The following ZMIZ1 variants were observed in gnomAD, a reference collection of about 807,000 sequenced individuals.
ZMIZ1 encodes zinc finger MIZ domain-containing protein 1.
A neutral mutation model predicts 113.9 loss-of-function variants in ZMIZ1; 17 were observed. The observed-to-expected ratio is 0.15, with a 90% CI of 0.10 to 0.22. The LOEUF (loss-of-function observed/expected upper bound fraction) is 0.22, where lower values mean the gene tolerates loss of function less well. ZMIZ1 is among the 10% of genes least tolerant of loss of function. The pLI is 1.00. For synonymous variants in ZMIZ1, 607 were observed against 603.1 expected (o/e 1.01, Z -0.09); for missense variants, 1,059 against 1,477.8 (o/e 0.72, Z 4.65).
intron 1 of ZMIZ1, among the ~76,000 whole-genome samples, chr10:79,093,580 G>A (rs1340653789): frequency 6.6e-6 from 1 of 152,112 alleles, no homozygotes; most frequent in Non-Finnish European, 1.5e-5. Context: ...ACCCACTTTG[G>A]CCTCCCAAAG....
intron 1 of ZMIZ1, among the ~76,000 whole-genome samples, chr10:79,082,978 T>G (rs1484063627): frequency 6.6e-6 from 1 of 152,278 alleles, no homozygotes; most frequent in African/African-American, 2.4e-5. Flanking sequence ...GGAAGGTGGA[T>G]TCATGTATTC....
chr10:79,273,272 G>GC (rs1386143863), intron 7 of ZMIZ1, among the ~76,000 whole-genome samples: 14 of 152,148 alleles, frequency 9.2e-5, no homozygotes. Context: ...AGCTCTGCAG[G>GC]CCCCCTCCTG....
At chr10:79,272,466 G>A (rs150793720) in intron 7 of ZMIZ1, among the ~76,000 whole-genome samples, 211 of 152,374 alleles carry the variant, frequency 1.4e-3, no homozygotes, top group African/African-American at 5.0e-3. Flanking sequence ...GGTTGTAGCT[G>A]CCAGCTGAGG....
intron 7 of ZMIZ1, among the ~76,000 whole-genome samples, chr10:79,254,714 CTG>C (rs1414725264): frequency 6.6e-6 from 1 of 152,174 alleles, no homozygotes; most frequent in Non-Finnish European, 1.5e-5. Context: ...TGAGGCAAAA[CTG>C]AGAAATTTGA....
At chr10:79,111,926 T>C (rs915104274) in intron 1 of ZMIZ1, among the ~76,000 whole-genome samples, 28 of 152,312 alleles carry the variant, frequency 1.8e-4, no homozygotes, top group Non-Finnish European at 3.1e-4. Flanking sequence ...GTGTAAAGTG[T>C]TGTGACAGTT....
chr10:79,201,561 C>T, intron 4 of ZMIZ1, 23 bp from the exon 5 acceptor site: 1 of 1,574,930 alleles, frequency 6.3e-7, no homozygotes, highest in Non-Finnish European at 8.7e-7. Flanking sequence ...GATCCAGTGA[C>T]AACCTCTCCT....
rs926983810 is a variant in ZMIZ1 at position 79,121,327 on chromosome 10, A to G, written c.-227+2303A>G. ...CACACTGCACCCACCTCAATTCAAC[A>G]CTTCCTTTTCCTTTCCCTCCCTCCT... On this transcript the variant is annotated intron_variant, in intron 2 of 24. Transcript: ENST00000334512. Among the ~76,000 whole-genome samples, 5 of 152,244 alleles carry G rather than the reference A, an allele frequency of 3.3e-5. No homozygotes were observed. In the South Asian group the frequency reaches 8.3e-4, roughly 25 times the overall value.
intron 7 of ZMIZ1, 99 bp downstream of exon 7, chr10:79,216,373 C>G (rs1405532746): frequency 1.8e-6 from 2 of 1,089,458 alleles, no homozygotes; most frequent in Middle Eastern, 2.0e-4. Flanking sequence ...CTGGTGCCTC[C>G]ATTTGTCTAG....
intron 23 of ZMIZ1, among the ~76,000 whole-genome samples, chr10:79,308,508 G>A (rs1854890146): frequency 6.6e-6 from 1 of 152,174 alleles, no homozygotes; most frequent in Non-Finnish European, 1.5e-5. Context: ...TCCTGCCAGA[G>A]TCTGGCAGTG....
intron 5 of ZMIZ1, among the ~76,000 whole-genome samples, chr10:79,206,807 G>T (rs1360380886): frequency 1.3e-5 from 2 of 152,200 alleles, no homozygotes; most frequent in African/African-American, 4.8e-5. Context: ...GTGATGGAGG[G>T]CTTTGTTGCT....
At chr10:79,124,001 A>G (rs1362749317) in intron 2 of ZMIZ1, among the ~76,000 whole-genome samples, 3 of 152,178 alleles carry the variant, frequency 2.0e-5, no homozygotes, top group Non-Finnish European at 4.4e-5. Context: ...CCTCCACCCC[A>G]GCCTCTGCAG....
chr10:79,234,493 A>G (rs1849516569), intron 7 of ZMIZ1, among the ~76,000 whole-genome samples: 1 of 152,228 alleles, frequency 6.6e-6, no homozygotes, highest in African/African-American at 2.4e-5. Context: ...TCCAAAGATA[A>G]TACATACTAT....
At chr10:79,245,528 G>GT (rs1354426342) in intron 7 of ZMIZ1, among the ~76,000 whole-genome samples, 1 of 152,140 alleles carries the variant, frequency 6.6e-6, no homozygotes, top group Non-Finnish European at 1.5e-5. Flanking sequence ...GGACGGGGTC[G>GT]GGGGGCAGAG....
intron 7 of ZMIZ1, among the ~76,000 whole-genome samples, chr10:79,254,451 C>A (rs1208333585): frequency 6.6e-6 from 1 of 152,248 alleles, no homozygotes; most frequent in East Asian, 1.9e-4. Context: ...GGCTGGACGG[C>A]CCTTGGCCCA....
chr10:79,212,834 G>A (rs929732268), intron 6 of ZMIZ1, among the ~76,000 whole-genome samples: 1 of 151,992 alleles, frequency 6.6e-6, no homozygotes, highest in Admixed American at 6.6e-5. Flanking sequence ...TGAACTCTTG[G>A]GTGTAAGCTA....
At chr10:79,273,593 A>T (rs1589537219) in intron 7 of ZMIZ1, among the ~76,000 whole-genome samples, 1 of 152,192 alleles carries the variant, frequency 6.6e-6, no homozygotes, top group Non-Finnish European at 1.5e-5. Context: ...CCTGACCTCA[A>T]GTGATCTGCC....
intron 15 of ZMIZ1, 23 bp from the exon 16 acceptor site, chr10:79,299,027 C>T (rs1304458187): frequency 2.5e-6 from 4 of 1,590,542 alleles, no homozygotes; most frequent in Non-Finnish European, 3.4e-6. Context: ...TTGTGGCTCA[C>T]CCACCTCCTC....
chr10:79,168,940 C>T (rs748409493), intron 4 of ZMIZ1, among the ~76,000 whole-genome samples: 5 of 152,222 alleles, frequency 3.3e-5, no homozygotes, highest in Non-Finnish European at 5.9e-5. Context: ...AAGCTTTTTG[C>T]TCACATCTGC....
chr10:79,142,992 G>A (rs1476046184), intron 3 of ZMIZ1, among the ~76,000 whole-genome samples: 3 of 152,338 alleles, frequency 2.0e-5, no homozygotes, highest in Admixed American at 2.0e-4. Context: ...AGTTAGGGGA[G>A]CTCTCTGCCT....
Sources: allele counts gnomAD v4.1 joint callset (sites outside exome capture counted in the v4.1 genomes callset), GRCh38; gene constraint gnomAD v4.1.1; transcripts MANE v1.5; gene names NCBI Gene and HGNC (gene_info 2026-07-23, HGNC 2026-07-21).